RANBP2: variants seen among roughly 807,000 people sequenced by gnomAD.
RANBP2 encodes E3 SUMO-protein ligase RanBP2.
RANBP2 carries 57 observed loss-of-function variants against 303.6 expected under a neutral mutation model. The observed-to-expected ratio is 0.19, with a 90% CI of 0.15 to 0.23. The LOEUF (loss-of-function observed/expected upper bound fraction) is 0.23, where lower values mean the gene tolerates loss of function less well. RANBP2 is among the 10% of genes least tolerant of loss of function. The pLI, the probability that RANBP2 is intolerant of heterozygous loss-of-function variation, is 1.00. For missense variants in RANBP2, 3,138 were observed against 3,780.8 expected (o/e 0.83, Z 4.46); for synonymous variants, 1,167 against 1,301.5 (o/e 0.90, Z 2.23).
chr2:109,288,670 G>GT, the RANBP2 span, among the ~76,000 whole-genome samples: 2 of 152,096 alleles, frequency 1.3e-5, no homozygotes, highest in African/African-American at 2.4e-5. Flanking sequence ...ACTCAATTAC[G>GT]TTTTTTTCTC....
chr2:108,753,799 A>G (rs1428026120), intron 14 of RANBP2, 26 bp from the exon 15 acceptor site: 6 of 1,611,658 alleles, frequency 3.7e-6, no homozygotes, highest in Middle Eastern at 2.2e-4. Flanking sequence ...AAACCTAATG[A>G]TTTCATAAAA....
At chr2:109,083,600 CGTT>C in the RANBP2 span, among the ~76,000 whole-genome samples, 2 of 152,100 alleles carry the variant, frequency 1.3e-5, no homozygotes, top group African/African-American at 4.8e-5. Flanking sequence ...TTGTGAATAA[CGTT>C]GCTGTGAACA....
chr2:108,784,126 A>G lies in RANBP2; in HGVS notation c.*225A>G. ...GTGTATTTCAGGTGTACTTGTGTTT[A>G]TGTACTCCTGACGTATTAAAATGGA... On this transcript the variant is annotated 3_prime_UTR_variant, in exon 29 of 29. Transcript: ENST00000283195. 1.9e-6 allele frequency: 1 copy of G among 523,866 alleles called. No individual in the cohort carries two copies. The highest frequency in any genetic ancestry group is 3.3e-5 in the East Asian group (1 of 30,440). 32.5% of individuals were successfully genotyped at this position (523,866 alleles called of 1,614,324 possible).
At chr2:109,637,957 C>T in the RANBP2 span, among the ~76,000 whole-genome samples, 1 of 152,156 alleles carries the variant, frequency 6.6e-6, no homozygotes. Flanking sequence ...GACTCCATCT[C>T]AAAAACCAAC....
the RANBP2 span, among the ~76,000 whole-genome samples, chr2:109,307,457 T>C: frequency 6.7e-6 from 1 of 149,932 alleles, no homozygotes; most frequent in East Asian, 2.0e-4. Flanking sequence ...AGTTTTAGGG[T>C]ACATGTGCAC....
chr2:109,293,141 A>G, the RANBP2 span, among the ~76,000 whole-genome samples: 1 of 152,228 alleles, frequency 6.6e-6, no homozygotes. Flanking sequence ...GGAATGGGAC[A>G]CAGGGACAGA....
the RANBP2 span, among the ~76,000 whole-genome samples, chr2:109,713,203 A>C: frequency 6.6e-6 from 1 of 152,148 alleles, no homozygotes; most frequent in South Asian, 2.1e-4. Flanking sequence ...CACTTCGTGG[A>C]GGAGAGATGG....
chr2:109,240,665 G>T, the RANBP2 span, among the ~76,000 whole-genome samples: 1 of 152,016 alleles, frequency 6.6e-6, no homozygotes, highest in African/African-American at 2.4e-5. Flanking sequence ...TATTTCACAC[G>T]AACCAGAGAG....
chr2:108,853,890 A>AT, the RANBP2 span, among the ~76,000 whole-genome samples: 38 of 123,880 alleles, frequency 3.1e-4, 1 homozygote, highest in African/African-American at 1.2e-3. Flanking sequence ...TATATTATAT[A>AT]GTATATATAT....
chr2:109,419,334 C>T, the RANBP2 span, among the ~76,000 whole-genome samples: 1 of 152,208 alleles, frequency 6.6e-6, no homozygotes, highest in African/African-American at 2.4e-5. Flanking sequence ...TGGGAAGGGG[C>T]TCTTGAAAAT....
At chr2:109,367,921 G>A in the RANBP2 span, among the ~76,000 whole-genome samples, 2 of 152,160 alleles carry the variant, frequency 1.3e-5, no homozygotes, top group African/African-American at 4.8e-5. Flanking sequence ...ACCAAAAATG[G>A]GAAAGTGCCT....
the RANBP2 span, among the ~76,000 whole-genome samples, chr2:109,601,724 C>T: frequency 6.6e-6 from 1 of 151,440 alleles, no homozygotes; most frequent in African/African-American, 2.4e-5. Flanking sequence ...CGGCTTCTTC[C>T]TTAAATATAA....
At chr2:109,694,800 GATGT>G in the RANBP2 span, among the ~76,000 whole-genome samples, 2 of 80,114 alleles carry the variant, frequency 2.5e-5, no homozygotes, top group Non-Finnish European at 5.1e-5. Flanking sequence ...TATCCATAGG[GATGT>G]GTGTGTGTGT....
At chr2:109,733,636 T>C in the RANBP2 span, among the ~76,000 whole-genome samples, 3 of 152,056 alleles carry the variant, frequency 2.0e-5, no homozygotes, top group East Asian at 5.8e-4. Flanking sequence ...TTGGATCCTT[T>C]GAACTCAGGA....
At chr2:108,722,867 T>C (rs943404327) in intron 1 of RANBP2, among the ~76,000 whole-genome samples, 14 of 151,692 alleles carry the variant, frequency 9.2e-5, no homozygotes, top group Admixed American at 3.9e-4. Flanking sequence ...CTCCAGCCTG[T>C]GTGACAGAGC....
At chr2:109,037,140 C>T in the RANBP2 span, among the ~76,000 whole-genome samples, 16 of 151,626 alleles carry the variant, frequency 1.1e-4, no homozygotes, top group Admixed American at 7.2e-4. Flanking sequence ...CAGAGTGAGA[C>T]CCTGTCTCAA....
chr2:109,644,066 A>AGT, the RANBP2 span, among the ~76,000 whole-genome samples: 1 of 151,698 alleles, frequency 6.6e-6, no homozygotes, highest in Non-Finnish European at 1.5e-5. Flanking sequence ...GGTTTCAGTG[A>AGT]GCTGAGATCG....
the RANBP2 span, among the ~76,000 whole-genome samples, chr2:109,569,139 A>T: frequency 6.6e-6 from 1 of 152,146 alleles, no homozygotes; most frequent in Non-Finnish European, 1.5e-5. Context: ...GATTAAAAGT[A>T]AAAAATTGAC....
the RANBP2 span, among the ~76,000 whole-genome samples, chr2:109,134,326 A>T: frequency 7.9e-5 from 12 of 152,058 alleles, no homozygotes; most frequent in Admixed American, 2.6e-4. Context: ...TAAGGACTCC[A>T]GAGGAAAAGG....
Sources: gnomAD v4.1 joint callset for allele counts (sites outside exome capture counted in the v4.1 genomes callset) on GRCh38, gnomAD v4.1.1 for gene constraint, MANE v1.5 for transcripts, NCBI Gene and HGNC (gene_info 2026-07-23, HGNC 2026-07-21) for gene names.